DYNC2H1: variants seen among roughly 807,000 people sequenced by gnomAD.
The protein encoded by DYNC2H1 is dynein cytoplasmic 2 heavy chain 1, also known as cytoplasmic dynein 2 heavy chain 1.
A neutral mutation model predicts 570.0 loss-of-function variants in DYNC2H1; 410 were observed. That is an observed-to-expected ratio of 0.72 (90% CI 0.66 to 0.78). DYNC2H1 has a LOEUF of 0.78. Among genes scored for constraint, DYNC2H1 ranks in the 30% least tolerant of loss-of-function variants. DYNC2H1 has a pLI of 0.00. For missense variants in DYNC2H1, 4,865 were observed against 5,046.4 expected, an observed-to-expected ratio of 0.96 and a Z score of 1.09; for synonymous variants, 1,688 against 1,677.6, an observed-to-expected ratio of 1.01 and a Z score of -0.15.
chr11:103,148,715 T>C, intron 20 of DYNC2H1, 98 bp downstream of exon 20: 1 of 1,363,888 alleles, frequency 7.3e-7, no homozygotes. Flanking sequence ...ATATATAATC[T>C]CAACATTATA....
intron 82 of DYNC2H1, among the ~76,000 whole-genome samples, chr11:103,344,446 G>T (rs541436970): frequency 6.6e-6 from 1 of 152,162 alleles, no homozygotes; most frequent in East Asian, 1.9e-4. Context: ...TTTGTCTTCT[G>T]ATCTTCCTCT....
intron 17 of DYNC2H1, among the ~76,000 whole-genome samples, chr11:103,139,923 G>A (rs1457683867): frequency 6.6e-6 from 1 of 152,144 alleles, no homozygotes; most frequent in Non-Finnish European, 1.5e-5. Flanking sequence ...TATATATTTA[G>A]GATGGTTAGC....
Position 103,268,358 on chromosome 11 carries a change from A to G in DYNC2H1, c.10695+8381A>G, listed in dbSNP as rs1020709013. Among the ~76,000 whole-genome samples, 2 of 151,824 alleles carry G rather than the reference A, an allele frequency of 1.3e-5. No individual in the cohort carries two copies. The highest frequency in any genetic ancestry group is 2.9e-5 in the Non-Finnish European group (2 of 67,858). ...CTACCTTCTTCCCTTACCTTGTCAT[A>G]TTCATCTGTTTTCTTGATATTTTAA... On this transcript the variant is annotated intron_variant, in intron 70 of 88. Coordinates refer to ENST00000375735, the MANE Select transcript of DYNC2H1 (RefSeq NM_001377.3). The surrounding 1 kb of genome is among the most constrained non-coding windows in gnomAD (Gnocchi z 4.6).
intron 13 of DYNC2H1, among the ~76,000 whole-genome samples, chr11:103,131,529 C>T (rs1048513129): frequency 6.6e-6 from 1 of 151,812 alleles, no homozygotes; most frequent in Non-Finnish European, 1.5e-5. Context: ...TCTTTTTTTT[C>T]CCTGAAGTTC....
At position 103,134,435 on chromosome 11, in the gene DYNC2H1, T is replaced by G. The variant is rs1203665068; in HGVS notation, c.2205+16T>G. 6.3e-7 allele frequency: 1 copy of G among 1,596,716 alleles called. No homozygotes were observed. The highest frequency in any genetic ancestry group is 1.7e-5 in the Admixed American group (1 of 58,772). On this transcript the variant is annotated intron_variant, in intron 15 of 88. Coordinates refer to ENST00000375735, the MANE Select transcript of DYNC2H1 (RefSeq NM_001377.3). ...AGAAGCACAGGTAGAGTATGTTTTA[T>G]TTTGTGTGTATACTTTGAAATATGA...
intron 84 of DYNC2H1, chr11:103,406,594 T>TTGAG (rs1370493038): frequency 2.0e-5 from 3 of 151,996 alleles, no homozygotes; most frequent in South Asian, 2.1e-4. Flanking sequence ...TATACTCAGG[T>TTGAG]TGAGTGAGTG....
chr11:103,475,549 G>A (rs763196334), intron 88 of DYNC2H1, among the ~76,000 whole-genome samples: 23 of 152,236 alleles, frequency 1.5e-4, no homozygotes, highest in Middle Eastern at 3.4e-3. Flanking sequence ...TTATTTATTG[G>A]AGACTTAAGA....
chr11:103,129,781 A>G lies in DYNC2H1; in HGVS notation c.1953+776A>G, dbSNP rs2134753050. ...TGACTACTAACTTTTTGAAGTCTGT[A>G]TTTTTAGTCTTCATAGACATGAAAT... On this transcript the variant is annotated intron_variant, in intron 13 of 88. Coordinates refer to ENST00000375735, the MANE Select transcript of DYNC2H1 (RefSeq NM_001377.3). This position sits in a 1 kb window ranked among gnomAD's most constrained non-coding sequence, Gnocchi z 4.1. Among the ~76,000 whole-genome samples the G allele has an allele frequency of 6.6e-6, 1 of 152,332 alleles. No individual in the cohort carries two copies. The highest frequency in any genetic ancestry group is 6.5e-5 in the Admixed American group (1 of 15,298).
chr11:103,455,391 A>G, intron 86 of DYNC2H1, 96 bp downstream of exon 86: 1 of 900,638 alleles, frequency 1.1e-6, no homozygotes, highest in Non-Finnish European at 1.8e-6. Context: ...GTCAAGAAAT[A>G]AATTTATTAT....
intron 82 of DYNC2H1, among the ~76,000 whole-genome samples, chr11:103,331,711 C>T (rs1938804506): frequency 6.6e-6 from 1 of 152,120 alleles, no homozygotes; most frequent in Non-Finnish European, 1.5e-5. Context: ...TAAGATAAGA[C>T]ACAGATGTTG....
At position 103,222,870 on chromosome 11, in the gene DYNC2H1, A is replaced by G. The variant is rs541705726; in HGVS notation, c.9232-95A>G. 28 of 1,496,710 alleles carry G rather than the reference A, an allele frequency of 1.9e-5. 1 individual carries two copies. The Admixed American group carries it at 5.4e-4, about 29-fold the overall frequency. 92.7% of individuals were successfully genotyped at this position (1,496,710 alleles called of 1,614,324 possible). ...CCAAAAAACTACTTTATTTGGGTCA[A>G]GTTAATAAGTGCCCAAATAAAGTGT... On this transcript the variant is annotated intron_variant, in intron 58 of 88. Transcript: ENST00000375735.
At chr11:103,450,624 T>C (rs1300726231) in intron 85 of DYNC2H1, among the ~76,000 whole-genome samples, 1 of 152,220 alleles carries the variant, frequency 6.6e-6, no homozygotes, top group Admixed American at 6.5e-5. Flanking sequence ...AGTTGGAAAT[T>C]AATTTAATTG....
chr11:103,128,663 C>T (rs995288300), intron 12 of DYNC2H1, among the ~76,000 whole-genome samples: 2 of 152,022 alleles, frequency 1.3e-5, no homozygotes, highest in African/African-American at 2.4e-5. Context: ...TTCTTGATTC[C>T]GGACAACGTT....
chr11:103,443,149 T>C (rs1944321812), intron 85 of DYNC2H1, among the ~76,000 whole-genome samples: 1 of 152,070 alleles, frequency 6.6e-6, no homozygotes, highest in Non-Finnish European at 1.5e-5. Flanking sequence ...CAAAATTTTT[T>C]ATTATTTCTG....
At chr11:103,317,368 CT>C (rs202210591) in intron 80 of DYNC2H1, among the ~76,000 whole-genome samples, 33 of 147,964 alleles carry the variant, frequency 2.2e-4, no homozygotes, top group Admixed American at 2.7e-4. Context: ...ACCTTGGATT[CT>C]TTTTTTTTTT....
At chr11:103,191,777 A>T (rs1650724857) in intron 46 of DYNC2H1, among the ~76,000 whole-genome samples, 158 bp downstream of exon 46, 1 of 151,760 alleles carries the variant, frequency 6.6e-6, no homozygotes, top group Non-Finnish European at 1.5e-5. Flanking sequence ...CTTCTTCCAA[A>T]CTGTGTATGA....
At chr11:103,304,294 T>C (rs1003683819) in intron 76 of DYNC2H1, among the ~76,000 whole-genome samples, 2 of 148,824 alleles carry the variant, frequency 1.3e-5, no homozygotes, top group Non-Finnish European at 2.9e-5. Flanking sequence ...CAATCATAGT[T>C]AGAGTAGATT....
chr11:103,156,893 C>A, intron 26 of DYNC2H1, 123 bp downstream of exon 26: 2 of 1,218,762 alleles, frequency 1.6e-6, no homozygotes, highest in East Asian at 2.6e-5. Flanking sequence ...TATTCAAATT[C>A]TTTCCTAGTG....
At position 103,209,438 on chromosome 11, in the gene DYNC2H1, A is replaced by G; in HGVS notation, c.8455-438A>G. On this transcript the variant is annotated intron_variant, in intron 52 of 88. Coordinates refer to ENST00000375735, the MANE Select transcript of DYNC2H1 (RefSeq NM_001377.3). The surrounding 1 kb of genome is among the most constrained non-coding windows in gnomAD (Gnocchi z 4.2). The stretch of plus-strand genomic sequence containing the variant: ...TTTTAGAATGATCAGTTATGAAATT[A>G]TTGATTATAAAATTATTTTTATTTA... Among the ~76,000 whole-genome samples, 1 of 152,132 alleles carries G rather than the reference A, an allele frequency of 6.6e-6. No individual in the cohort carries two copies. Among genetic ancestry groups the G allele is most frequent in the Non-Finnish European group, 1.5e-5 (1 of 67,924 alleles).
Sources: gnomAD v4.1 joint callset for allele counts (sites outside exome capture counted in the v4.1 genomes callset) on GRCh38, gnomAD v4.1.1 for gene constraint, Gnocchi (gnomAD v3.1) non-coding constraint, MANE v1.5 for transcripts, NCBI Gene and HGNC (gene_info 2026-07-23, HGNC 2026-07-21) for gene names.